UTRN: variants seen among roughly 807,000 people sequenced by gnomAD.
UTRN encodes the protein dystrophin-related protein 1.
Under a neutral mutation model 463.9 loss-of-function variants are expected in UTRN, and 283 were observed. The observed-to-expected ratio is 0.61, with a 90% CI of 0.55 to 0.67. The LOEUF is 0.67. Ranked by LOEUF, UTRN falls within the 30% of genes least tolerant of loss-of-function variation. The pLI is 0.00. For missense variants in UTRN, 3,922 were observed against 4,084.3 expected (o/e 0.96, Z 1.08); for synonymous variants, 1,442 against 1,431.5 (o/e 1.01, Z -0.17).
intron 53 of UTRN, among the ~76,000 whole-genome samples, chr6:144,706,479 C>T (rs1426767719): frequency 6.6e-6 from 1 of 151,820 alleles, no homozygotes; most frequent in Non-Finnish European, 1.5e-5. Flanking sequence ...TACTATATGC[C>T]TGGCAGTTTA....
chr6:144,558,208 G>C (rs1277378343), intron 50 of UTRN, among the ~76,000 whole-genome samples: 1 of 152,150 alleles, frequency 6.6e-6, no homozygotes, highest in East Asian at 1.9e-4. Flanking sequence ...TACACTTCCA[G>C]AGTGTTATTT....
chr6:144,834,104 C>T (rs57871890), intron 69 of UTRN, among the ~76,000 whole-genome samples: 6,919 of 152,192 alleles, frequency 0.045, 475 homozygotes, highest in African/African-American at 0.15. Context: ...AGGATAATGC[C>T]GCAGCTTACT....
At chr6:144,520,607 A>G (rs1796003253) in intron 39 of UTRN, among the ~76,000 whole-genome samples, 1 of 152,250 alleles carries the variant, frequency 6.6e-6, no homozygotes, top group Non-Finnish European at 1.5e-5. Flanking sequence ...TGATGGACGC[A>G]GTAGTTTAAC....
chr6:144,466,608 G>A (rs1477921199), intron 23 of UTRN, among the ~76,000 whole-genome samples: 1 of 152,114 alleles, frequency 6.6e-6, no homozygotes. Context: ...TACATGAAAT[G>A]GGTATTTCTT....
intron 51 of UTRN, among the ~76,000 whole-genome samples, chr6:144,585,115 T>G (rs1205040113): frequency 1.3e-5 from 2 of 152,084 alleles, no homozygotes; most frequent in Non-Finnish European, 2.9e-5. Context: ...AGTCAAGTAT[T>G]GGAGAAAGTT....
chr6:144,411,005 A>G (rs754408027), intron 3 of UTRN, among the ~76,000 whole-genome samples: 2 of 152,028 alleles, frequency 1.3e-5, no homozygotes, highest in Non-Finnish European at 2.9e-5. Flanking sequence ...TGTTTTTGCA[A>G]TTGTGAATTG....
intron 52 of UTRN, among the ~76,000 whole-genome samples, chr6:144,680,613 T>C (rs1782107761): frequency 6.6e-6 from 1 of 152,206 alleles, no homozygotes; most frequent in African/African-American, 2.4e-5. Context: ...ATTAATAAGA[T>C]GTAGTCCCTA....
intron 51 of UTRN, among the ~76,000 whole-genome samples, chr6:144,611,950 C>T (rs144032869): frequency 6.6e-6 from 1 of 152,084 alleles, no homozygotes; most frequent in Non-Finnish European, 1.5e-5. Flanking sequence ...CCTAACATTC[C>T]TTGGTTATAA....
intron 73 of UTRN, among the ~76,000 whole-genome samples, chr6:144,841,637 A>G (rs73779039): frequency 0.043 from 6,497 of 152,276 alleles, 457 homozygotes; most frequent in African/African-American, 0.15. Flanking sequence ...ATATAAATGC[A>G]TATAAATTAC....
intron 6 of UTRN, among the ~76,000 whole-genome samples, chr6:144,424,901 T>C (rs900328281): frequency 2.6e-5 from 4 of 152,136 alleles, no homozygotes; most frequent in Non-Finnish European, 4.4e-5. Context: ...ATGTAAAATA[T>C]TGATATTTAA....
chr6:144,396,632 A>G (rs1177857026), intron 2 of UTRN, among the ~76,000 whole-genome samples: 1 of 152,216 alleles, frequency 6.6e-6, no homozygotes, highest in African/African-American at 2.4e-5. Flanking sequence ...TTAAATGGGT[A>G]AATTGTATGG....
intron 2 of UTRN, among the ~76,000 whole-genome samples, chr6:144,401,486 T>A (rs987140478): frequency 5.9e-5 from 9 of 152,148 alleles, no homozygotes; most frequent in African/African-American, 1.2e-4. Flanking sequence ...GTGGCCTTGA[T>A]CAGATAATAT....
intron 34 of UTRN, among the ~76,000 whole-genome samples, chr6:144,509,128 G>C (rs1193743077): frequency 6.6e-6 from 1 of 152,020 alleles, no homozygotes; most frequent in Non-Finnish European, 1.5e-5. Flanking sequence ...GTGTAGTGCA[G>C]AATTGATATC....
intron 57 of UTRN, among the ~76,000 whole-genome samples, chr6:144,757,236 T>TAAAAAAAA (rs375711274): frequency 8.7e-6 from 1 of 115,542 alleles, no homozygotes; most frequent in Non-Finnish European, 1.8e-5. Flanking sequence ...ACTAGAATTG[T>TAAAAAAAA]AAAAAAAAAA....
chr6:144,677,734 G>A (rs533122739), intron 51 of UTRN, among the ~76,000 whole-genome samples: 10 of 152,214 alleles, frequency 6.6e-5, no homozygotes, highest in Non-Finnish European at 1.3e-4. Context: ...CCTACCAACA[G>A]TGTAAAAGCA....
At chr6:144,336,270 A>T (rs187731247) in intron 2 of UTRN, among the ~76,000 whole-genome samples, 93 of 152,054 alleles carry the variant, frequency 6.1e-4, no homozygotes, top group African/African-American at 2.1e-3. Flanking sequence ...TTCAATCCAG[A>T]CTCCGACATC....
intron 58 of UTRN, 118 bp downstream of exon 58, chr6:144,758,107 A>G (rs1432019513): frequency 1.3e-6 from 1 of 769,618 alleles, no homozygotes; most frequent in Non-Finnish European, 2.0e-6. Context: ...ATCTGAAAGA[A>G]ACTGTGATAT....
intron 24 of UTRN, among the ~76,000 whole-genome samples, chr6:144,474,293 A>G (rs2128569595): frequency 6.6e-6 from 1 of 152,158 alleles, no homozygotes; most frequent in Non-Finnish European, 1.5e-5. Flanking sequence ...AAAAAACAAA[A>G]AACAAGAAAT....
intron 52 of UTRN, among the ~76,000 whole-genome samples, chr6:144,680,433 G>A (rs1438412110): frequency 6.6e-6 from 1 of 152,152 alleles, no homozygotes; most frequent in Non-Finnish European, 1.5e-5. Context: ...GAATATGCTT[G>A]TGGCAGTGGA....
Sources: allele counts gnomAD v4.1 joint callset (sites outside exome capture counted in the v4.1 genomes callset), GRCh38; gene constraint gnomAD v4.1.1; transcripts MANE v1.5; gene names NCBI Gene and HGNC (gene_info 2026-07-23, HGNC 2026-07-21).